The following LMO7 variants were observed in gnomAD, a reference collection of about 807,000 sequenced individuals.
The protein encoded by LMO7 is LIM domain 7.
LMO7 carries 120 observed loss-of-function variants against 206.5 expected under a neutral mutation model. The ratio of observed to expected loss-of-function variants is 0.58; its 90% CI spans 0.50 to 0.68. LMO7 has a LOEUF of 0.68. LMO7 is among the 30% of genes least tolerant of loss of function. The pLI, the probability that LMO7 is intolerant of heterozygous loss-of-function variation, is 0.00. For missense variants in LMO7, 1,959 were observed against 1,957.9 expected, an observed-to-expected ratio of 1.00 and a Z score of -0.01; for synonymous variants, 706 against 681.5, an observed-to-expected ratio of 1.04 and a Z score of -0.56.
chr13:75,659,204 A>G (rs184746091), intron 1 of LMO7, among the ~76,000 whole-genome samples: 1 of 152,322 alleles, frequency 6.6e-6, no homozygotes, highest in Non-Finnish European at 1.5e-5. Context: ...AAATCAATTT[A>G]TAGGCACTTT....
At chr13:75,691,673 C>T (rs1425158448) in intron 1 of LMO7, among the ~76,000 whole-genome samples, 1 of 152,216 alleles carries the variant, frequency 6.6e-6, no homozygotes, top group African/African-American at 2.4e-5. Flanking sequence ...CCTCTGTACC[C>T]TACATACTAC....
intron 1 of LMO7, among the ~76,000 whole-genome samples, chr13:75,647,467 C>A (rs2037135736): frequency 6.6e-6 from 1 of 152,082 alleles, no homozygotes; most frequent in African/African-American, 2.4e-5. Flanking sequence ...TCTAAAGAAG[C>A]CTGAAAGTAA....
chr13:75,622,110 T>G, intron 1 of LMO7: 1 of 275,216 alleles, frequency 3.6e-6, no homozygotes, highest in Non-Finnish European at 6.8e-6. Context: ...TGCATATATG[T>G]ATGGGGTACA....
intron 25 of LMO7, among the ~76,000 whole-genome samples, chr13:75,843,753 T>C (rs538334446): frequency 2.0e-5 from 3 of 152,354 alleles, no homozygotes; most frequent in Admixed American, 1.3e-4. Flanking sequence ...TAAGGACTTC[T>C]AAACAGTCTG....
chr13:75,636,372 C>G lies in LMO7; in HGVS notation c.-286C>G. ...GGTGCCGCGCGCTGCCGCTGGGCAC[C>G]CGCTTCGCTTCCCGCGTCCTGCCTG... On this transcript the variant is annotated 5_prime_UTR_variant, in exon 1 of 31. Coordinates refer to ENST00000377534, the MANE Select transcript of LMO7 (RefSeq NM_001306080.2). 2.4e-6 allele frequency: 3 copies of G among 1,266,502 alleles called. No homozygotes were observed. The South Asian group carries it at 5.1e-5, about 22-fold the overall frequency. The allele number at this position is 1,266,502 out of a possible 1,614,324, so 78.5% of individuals were successfully genotyped here.
Position 75,849,147 on chromosome 13 carries a change from G to C in LMO7, c.4219G>C (p.Val1407Leu), listed in dbSNP as rs746337719. 1 of 1,613,668 alleles carries C rather than the reference G, an allele frequency of 6.2e-7. No homozygotes were observed. Among genetic ancestry groups the C allele is most frequent in the Non-Finnish European group, 8.5e-7 (1 of 1,179,586 alleles). Reference sequence around the variant, plus strand: ...ACAGAGGAGATCCAAGAAAGAACAAGTACCATCAGGAGCAGAATTGGAGAG... The same window carrying C: ...ACAGAGGAGATCCAAGAAAGAACAACTACCATCAGGAGCAGAATTGGAGAG... ...SSQRRSKKEQ[V>L]PSGAELERQQ... Residue 1407 changes from valine (V) to leucine (L), a missense_variant, in exon 27 of 31, where the codon GTA (valine) becomes CTA (leucine). Physicochemically the swap from Val to Leu is conservative, Grantham distance 32. Coordinates refer to ENST00000377534, the MANE Select transcript of LMO7 (RefSeq NM_001306080.2).
At chr13:75,770,256 G>A (rs1166066493) in intron 4 of LMO7, among the ~76,000 whole-genome samples, 1 of 151,668 alleles carries the variant, frequency 6.6e-6, no homozygotes, top group Non-Finnish European at 1.5e-5. Flanking sequence ...AGATATAGGT[G>A]TTTATGCCAA....
At chr13:75,725,599 T>C (rs757263946) in intron 2 of LMO7, among the ~76,000 whole-genome samples, 86 of 152,094 alleles carry the variant, frequency 5.7e-4, no homozygotes, top group Non-Finnish European at 1.1e-3. Flanking sequence ...CTCAATTCTT[T>C]TCTGACTCCT....
chr13:75,653,738 TC>T (rs1448177401), intron 1 of LMO7, among the ~76,000 whole-genome samples: 1 of 152,182 alleles, frequency 6.6e-6, no homozygotes, highest in Non-Finnish European at 1.5e-5. Flanking sequence ...ACATTACAGG[TC>T]TATAATGACA....
intron 26 of LMO7, among the ~76,000 whole-genome samples, chr13:75,846,223 C>G (rs571092198): frequency 6.6e-6 from 1 of 152,296 alleles, no homozygotes; most frequent in South Asian, 2.1e-4. Flanking sequence ...AGTCTGGTGG[C>G]AGCTAGTTTA....
intron 2 of LMO7, among the ~76,000 whole-genome samples, chr13:75,631,013 TTTAC>T (rs1384043669): frequency 6.6e-6 from 1 of 151,776 alleles, no homozygotes; most frequent in East Asian, 1.9e-4. Context: ...TGAATGTCCT[TTTAC>T]TTTTTATTAT....
At chr13:75,684,161 G>T (rs1330534718) in intron 1 of LMO7, among the ~76,000 whole-genome samples, 1 of 152,130 alleles carries the variant, frequency 6.6e-6, no homozygotes, top group Non-Finnish European at 1.5e-5. Context: ...TAGATGGTTG[G>T]GGGCGGCCTT....
intron 2 of LMO7, among the ~76,000 whole-genome samples, chr13:75,722,715 C>A (rs567827150): frequency 6.6e-6 from 1 of 152,102 alleles, no homozygotes; most frequent in Non-Finnish European, 1.5e-5. Context: ...ACTTGCACAC[C>A]CATGTTTATA....
intron 23 of LMO7, 126 bp from the exon 24 acceptor site, chr13:75,841,502 T>G: frequency 1.5e-6 from 1 of 688,754 alleles, no homozygotes. Flanking sequence ...ACTCTTAACA[T>G]GTTTTTTGAG....
Position 75,840,403 on chromosome 13 carries a change from ACC to A in LMO7, c.3491_3492del (p.Thr1164AsnfsTer36). The A allele has an allele frequency of 2.5e-6, 4 of 1,614,048 alleles. No homozygotes were observed. The highest frequency in any genetic ancestry group is 3.4e-6 in the Non-Finnish European group (4 of 1,179,988). ...GATAACTGGTTAGCTTCCAGTTCCA[ACC>A]ATCAGTGCCCCGAGTCGCTGGGTGT... ...DSVVPDLPVP[T>X]ISAPSRWVWD... On this transcript the variant is annotated frameshift_variant, in exon 22 of 31. Coordinates refer to ENST00000377534, the MANE Select transcript of LMO7 (RefSeq NM_001306080.2). LOFTEE classifies it high-confidence loss of function.
intron 27 of LMO7, among the ~76,000 whole-genome samples, chr13:75,849,593 C>T (rs2060318538): frequency 6.6e-6 from 1 of 150,860 alleles, no homozygotes; most frequent in Non-Finnish European, 1.5e-5. Flanking sequence ...ATGGGGCATT[C>T]TGAAGTGAGG....
At chr13:75,787,721 G>C (rs1418837132) in intron 4 of LMO7, among the ~76,000 whole-genome samples, 1 of 152,172 alleles carries the variant, frequency 6.6e-6, no homozygotes, top group Non-Finnish European at 1.5e-5. Context: ...AGCAATGGCA[G>C]ATTAAAACCA....
intron 3 of LMO7, among the ~76,000 whole-genome samples, chr13:75,742,351 T>C (rs187243651): frequency 2.8e-4 from 42 of 152,196 alleles, no homozygotes; most frequent in African/African-American, 9.6e-4. Context: ...AAACTACCAA[T>C]GACATTCTTC....
chr13:75,841,024 T>G, intron 22 of LMO7, 85 bp from the exon 23 acceptor site: 1 of 835,120 alleles, frequency 1.2e-6, no homozygotes, highest in Non-Finnish European at 1.9e-6. Context: ...GTTGAAGGTT[T>G]AGAGATCATA....
Sources: allele counts gnomAD v4.1 joint callset (sites outside exome capture counted in the v4.1 genomes callset), GRCh38; gene constraint gnomAD v4.1.1; transcripts MANE v1.5; gene names NCBI Gene and HGNC (gene_info 2026-07-23, HGNC 2026-07-21).